PTPN4: variants seen among roughly 807,000 people sequenced by gnomAD.
PTPN4 encodes the protein protein tyrosine phosphatase non-receptor type 4, also known as tyrosine-protein phosphatase non-receptor type 4.
Under a neutral mutation model 135.5 loss-of-function variants are expected in PTPN4, and 49 were observed. That is an observed-to-expected ratio of 0.36 (90% CI 0.29 to 0.46). The LOEUF (loss-of-function observed/expected upper bound fraction) is 0.46, where lower values mean the gene tolerates loss of function less well. PTPN4 is among the 20% of genes least tolerant of loss of function. The pLI is 1.00. For missense variants in PTPN4, 860 were observed against 1,101.0 expected (o/e 0.78, Z 3.10); for synonymous variants, 333 against 369.9 (o/e 0.90, Z 1.14).
chr2:119,960,953 A>G lies in PTPN4; in HGVS notation c.2280A>G (p.Arg760=). The G allele has an allele frequency of 1.9e-6, 3 of 1,610,822 alleles. No individual in the cohort carries two copies. The highest frequency in any genetic ancestry group is 2.2e-5 in the South Asian group (2 of 89,982). Residue 760 remains arginine (R), a splice_region_variant and synonymous_variant, in exon 23 of 27, where the codon AGA becomes AGG. Coordinates refer to ENST00000263708, the MANE Select transcript of PTPN4 (RefSeq NM_002830.4). ...TGACCACACAAGTTGAACGTGGCAGAGTAAGTCATAGTTGAATCTTACACA... is the reference window on the plus strand; with the variant it reads ...TGACCACACAAGTTGAACGTGGCAGGGTAAGTCATAGTTGAATCTTACACA... ...VMLTTQVERG[R]VKCHQYWPEP...
At chr2:119,864,233 G>C (rs1677800372) in intron 3 of PTPN4, among the ~76,000 whole-genome samples, 1 of 152,116 alleles carries the variant, frequency 6.6e-6, no homozygotes, top group Non-Finnish European at 1.5e-5. Context: ...CTTGGCTTCA[G>C]TCTGCAGCCC....
At chr2:119,875,175 A>G (rs1301295402) in intron 3 of PTPN4, among the ~76,000 whole-genome samples, 1 of 152,058 alleles carries the variant, frequency 6.6e-6, no homozygotes, top group African/African-American at 2.4e-5. Flanking sequence ...TTGTTTTGCA[A>G]CTTGATGGAT....
chr2:119,885,931 T>C, intron 9 of PTPN4, 49 bp downstream of exon 9: 1 of 1,267,814 alleles, frequency 7.9e-7, no homozygotes, highest in Non-Finnish European at 1.1e-6. Flanking sequence ...GCTCCGTTAC[T>C]CAATATAACA....
intron 26 of PTPN4, among the ~76,000 whole-genome samples, chr2:119,973,241 C>T (rs113177892): frequency 2.0e-5 from 3 of 152,098 alleles, no homozygotes; most frequent in African/African-American, 4.8e-5. Flanking sequence ...AGATACTTTA[C>T]GTAAGTAAAT....
At chr2:119,972,606 A>G (rs1045859333) in intron 26 of PTPN4, among the ~76,000 whole-genome samples, 12 of 152,094 alleles carry the variant, frequency 7.9e-5, no homozygotes, top group African/African-American at 2.9e-4. Context: ...GTTGAATAGA[A>G]GTGATGAGAC....
chr2:119,908,596 G>A (rs1289745929), intron 10 of PTPN4, among the ~76,000 whole-genome samples: 1 of 151,922 alleles, frequency 6.6e-6, no homozygotes, highest in African/African-American at 2.4e-5. Context: ...TCCTCTCCTT[G>A]GAACTCCCTG....
chr2:119,889,280 C>T (rs933213344), intron 9 of PTPN4, among the ~76,000 whole-genome samples: 3 of 152,124 alleles, frequency 2.0e-5, no homozygotes, highest in African/African-American at 7.2e-5. Context: ...ATTAGCCGGT[C>T]GTGGTGGTGG....
At chr2:119,861,191 G>A (rs1351316501) in intron 2 of PTPN4, among the ~76,000 whole-genome samples, 1 of 152,090 alleles carries the variant, frequency 6.6e-6, no homozygotes, top group African/African-American at 2.4e-5. Context: ...AGAACTCCAG[G>A]GGCAGCCTCA....
Position 119,962,624 on chromosome 2 carries a change from T to A in PTPN4, c.2289T>A (p.Cys763Ter). 6.7e-7 allele frequency: 1 copy of A among 1,483,714 alleles called. No homozygotes were observed. The allele number at this position is 1,483,714 out of a possible 1,614,324, so 91.9% of individuals were successfully genotyped here. A position where few individuals can be genotyped will look rare whatever the true frequency, so the allele number is the denominator to read the frequency against. Residue 763 changes from cysteine to a stop codon, truncating the protein, a stop_gained, in exon 24 of 27, where the codon TGT becomes TGA. Transcript: ENST00000263708. LOFTEE classifies it high-confidence loss of function. ...ATTTATATCAATATCAGGTTAAATG[T>A]CACCAATATTGGCCAGAACCCACAG... ...TTQVERGRVK[C>*]HQYWPEPTGS...
chr2:119,964,553 T>C (rs1357671918), intron 24 of PTPN4, among the ~76,000 whole-genome samples: 2 of 152,222 alleles, frequency 1.3e-5, no homozygotes, highest in Middle Eastern at 3.2e-3. Flanking sequence ...TTTTTTACTT[T>C]ACCATTTTTG....
chr2:119,969,552 C>CTTTTTTTTTTTTTTT (rs35531556), intron 26 of PTPN4, among the ~76,000 whole-genome samples: 1 of 113,860 alleles, frequency 8.8e-6, no homozygotes, highest in Non-Finnish European at 1.7e-5. Context: ...TAATCAATTT[C>CTTTTTTTTTTTTTTT]TTTTTTTTTT....
intron 10 of PTPN4, among the ~76,000 whole-genome samples, chr2:119,910,094 G>T (rs1678548326): frequency 6.6e-6 from 1 of 152,098 alleles, no homozygotes; most frequent in Admixed American, 6.6e-5. Flanking sequence ...AGGATTGACT[G>T]TTTTGAAAGA....
chr2:119,976,857 T>C (rs542486714), intron 26 of PTPN4, 127 bp from the exon 27 acceptor site: 83 of 1,456,966 alleles, frequency 5.7e-5, no homozygotes, highest in Admixed American at 1.8e-4. Flanking sequence ...AAATGGTATC[T>C]TTATGCAGTT....
At chr2:119,765,980 A>T (rs1690609461) in intron 1 of PTPN4, among the ~76,000 whole-genome samples, 1 of 151,540 alleles carries the variant, frequency 6.6e-6, no homozygotes, top group South Asian at 2.1e-4. Flanking sequence ...AAGTCTTGTG[A>T]GGGTCCTTGT....
intron 13 of PTPN4, among the ~76,000 whole-genome samples, chr2:119,931,858 C>T (rs1352804098): frequency 1.3e-5 from 2 of 152,024 alleles, no homozygotes; most frequent in Non-Finnish European, 2.9e-5. Flanking sequence ...AATTATTAAC[C>T]CTCCAAAATG....
chr2:119,984,060 G>C lies in PTPN4; in HGVS notation c.*6990G>C, dbSNP rs1400202702. Among the ~76,000 whole-genome samples the C allele has an allele frequency of 1.3e-5, 2 of 152,146 alleles. No homozygotes were observed. The highest frequency in any genetic ancestry group is 2.9e-5 in the Non-Finnish European group (2 of 68,022). ...ATTAAACTGTTTTTATTTTCTGCCA[G>C]TAGACTCTATCTGCTTAAAAAAATA... On this transcript the variant is annotated 3_prime_UTR_variant, in exon 27 of 27. Transcript: ENST00000263708.
intron 2 of PTPN4, among the ~76,000 whole-genome samples, chr2:119,862,103 A>AT (rs1360728657): frequency 1.3e-4 from 20 of 152,244 alleles, no homozygotes; most frequent in African/African-American, 4.8e-4. Flanking sequence ...GCATGAGTTA[A>AT]TGTGGCAATA....
chr2:119,836,970 G>A (rs925939799), intron 2 of PTPN4, among the ~76,000 whole-genome samples: 8 of 152,328 alleles, frequency 5.3e-5, no homozygotes, highest in Non-Finnish European at 1.0e-4. Flanking sequence ...CACCGTGGAC[G>A]AAATGATTGA....
chr2:119,926,693 A>G, intron 13 of PTPN4, 27 bp downstream of exon 13: 1 of 1,522,884 alleles, frequency 6.6e-7, no homozygotes, highest in South Asian at 1.2e-5. Flanking sequence ...TCATTGTTTG[A>G]ATTTTTTTAA....
Sources: gnomAD v4.1 joint callset for allele counts (sites outside exome capture counted in the v4.1 genomes callset) on GRCh38, gnomAD v4.1.1 for gene constraint, MANE v1.5 for transcripts, NCBI Gene and HGNC (gene_info 2026-07-23, HGNC 2026-07-21) for gene names.